UCHL5: variants seen among roughly 807,000 people sequenced by gnomAD.
UCHL5 encodes ubiquitin C-terminal hydrolase L5, also known as ubiquitin carboxyl-terminal hydrolase isozyme L5.
UCHL5 carries 34 observed loss-of-function variants against 53.8 expected under a neutral mutation model. That is an observed-to-expected ratio of 0.63 (90% CI 0.48 to 0.84). UCHL5 has a LOEUF of 0.84. Ranked by LOEUF, UCHL5 falls within the 40% of genes least tolerant of loss-of-function variation. The pLI is 0.00. For missense variants in UCHL5, 290 were observed against 385.6 expected (o/e 0.75, Z 2.08); for synonymous variants, 111 against 126.3 (o/e 0.88, Z 0.81).
intron 6 of UCHL5, among the ~76,000 whole-genome samples, 181 bp downstream of exon 6, chr1:193,028,998 G>A (rs2102448437): frequency 6.6e-6 from 1 of 152,094 alleles, no homozygotes; most frequent in Non-Finnish European, 1.5e-5. Context: ...CTGAACTATG[G>A]TAGTCAAGAT....
intron 10 of UCHL5, chr1:193,019,960 G>T (rs868514212): frequency 2.0e-6 from 2 of 983,206 alleles, no homozygotes. Flanking sequence ...CATTTGATAT[G>T]ATTAATAACA....
intron 10 of UCHL5, chr1:193,020,445 A>G (rs1407018607): frequency 1.9e-6 from 3 of 1,541,100 alleles, no homozygotes; most frequent in Admixed American, 2.0e-5. Context: ...TCCTTCCCCT[A>G]TATCAGAATA....
chr1:193,050,535 C>T (rs1221273389), intron 2 of UCHL5, among the ~76,000 whole-genome samples: 2 of 151,700 alleles, frequency 1.3e-5, no homozygotes, highest in South Asian at 4.2e-4. Context: ...GAGTTCGAGA[C>T]CAGCCTGGAC....
intron 1 of UCHL5, among the ~76,000 whole-genome samples, chr1:193,057,751 T>C (rs1671110343): frequency 6.6e-6 from 1 of 152,270 alleles, no homozygotes; most frequent in South Asian, 2.1e-4. Context: ...GTCACTTTGC[T>C]AGCTGTTGGC....
chr1:193,056,208 A>C (rs1474797012), intron 1 of UCHL5, among the ~76,000 whole-genome samples: 1 of 152,184 alleles, frequency 6.6e-6, no homozygotes, highest in African/African-American at 2.4e-5. Flanking sequence ...GTAAAATTTT[A>C]GTGATGTCAC....
intron 3 of UCHL5, among the ~76,000 whole-genome samples, chr1:193,048,640 G>A (rs1043760803): frequency 3.9e-5 from 6 of 152,158 alleles, no homozygotes; most frequent in African/African-American, 1.4e-4. Context: ...ATCTGTGTGA[G>A]ACAGAACTTT....
intron 1 of UCHL5, among the ~76,000 whole-genome samples, chr1:193,053,930 G>A (rs1417977466): frequency 6.6e-6 from 1 of 150,978 alleles, no homozygotes; most frequent in Non-Finnish European, 1.5e-5. Context: ...TGCAAAAACT[G>A]TATAGAATGT....
chr1:193,036,156 T>G (rs1663305215), intron 3 of UCHL5, among the ~76,000 whole-genome samples: 1 of 151,142 alleles, frequency 6.6e-6, no homozygotes, highest in Non-Finnish European at 1.5e-5. Flanking sequence ...TAACACTGAA[T>G]GTAAATAGGC....
chr1:193,043,167 A>AAAAAAAAAAAAAAAAAAAAAAAAAAAC (rs1666240215), intron 3 of UCHL5, among the ~76,000 whole-genome samples: 1 of 148,504 alleles, frequency 6.7e-6, no homozygotes, highest in Non-Finnish European at 1.5e-5. Context: ...AAAAAAAAAA[A>AAAAAAAAAAAAAAAAAAAAAAAAAAAC]AAAAAAAAAC....
At chr1:193,021,869 T>C (rs1260163106) in intron 9 of UCHL5, among the ~76,000 whole-genome samples, 1 of 152,180 alleles carries the variant, frequency 6.6e-6, no homozygotes, top group Non-Finnish European at 1.5e-5. Context: ...TTAACATGTT[T>C]GTTTTATAGC....
At chr1:193,040,398 T>A (rs1331404709) in intron 3 of UCHL5, among the ~76,000 whole-genome samples, 1 of 152,142 alleles carries the variant, frequency 6.6e-6, no homozygotes, top group Admixed American at 6.6e-5. Context: ...AAAAAAATAC[T>A]CAACATCATT....
intron 1 of UCHL5, among the ~76,000 whole-genome samples, chr1:193,058,182 G>T (rs1402976932): frequency 6.6e-6 from 1 of 151,498 alleles, no homozygotes. Context: ...GGCCAAGATC[G>T]CGCCACTGCA....
chr1:193,059,243 C>T lies in UCHL5; in HGVS notation c.18G>A (p.Gly6=). ...GGTCGCTTTCCATGAGGCACCACTCCCCGGCATTGCCCGTCATGGCCCTGG... is the reference window on the plus strand; with the variant it reads ...GGTCGCTTTCCATGAGGCACCACTCTCCGGCATTGCCCGTCATGGCCCTGG... The part of the protein sequence containing the change: MTGNA[G]EWCLMESDPG... Residue 6 remains glycine, a synonymous_variant, in exon 1 of 11, where the codon GGG becomes GGA. Transcript: ENST00000367454. This position sits in a 1 kb window ranked among gnomAD's most constrained non-coding sequence, Gnocchi z 4.9. 6.2e-7 allele frequency: 1 copy of T among 1,614,108 alleles called. No homozygotes were observed. Among genetic ancestry groups the T allele is most frequent in the Non-Finnish European group, 8.5e-7 (1 of 1,180,016 alleles).
intron 8 of UCHL5, among the ~76,000 whole-genome samples, chr1:193,023,369 T>C (rs1220499196): frequency 1.3e-5 from 2 of 152,190 alleles, no homozygotes; most frequent in East Asian, 3.8e-4. Flanking sequence ...ACTTTGTCTA[T>C]TAATCTCTTC....
At chr1:193,021,689 C>A (rs200111059) in intron 9 of UCHL5, among the ~76,000 whole-genome samples, 3 of 152,106 alleles carry the variant, frequency 2.0e-5, no homozygotes, top group African/African-American at 7.2e-5. Flanking sequence ...TGATTCTAGG[C>A]TTTTACTGCC....
At position 193,022,925 on chromosome 1, in the gene UCHL5, C is replaced by A; in HGVS notation, c.843+1G>T. Reference sequence around the variant, plus strand: ...AAAGGAACACATTTTTAAAAACATACCTTGTATCTTTTTAATTTCTGTACT... The same window carrying A: ...AAAGGAACACATTTTTAAAAACATAACTTGTATCTTTTTAATTTCTGTACT... On this transcript the variant is annotated splice_donor_variant, in intron 9 of 10. Coordinates refer to ENST00000367454, the MANE Select transcript of UCHL5 (RefSeq NM_001199261.3). LOFTEE classifies it high-confidence loss of function. The A allele has an allele frequency of 1.9e-6, 3 of 1,598,754 alleles. No homozygotes were observed. Among genetic ancestry groups the A allele is most frequent in the Non-Finnish European group, 2.6e-6 (3 of 1,167,356 alleles).
chr1:193,032,881 A>T (rs1031104474), intron 3 of UCHL5, among the ~76,000 whole-genome samples: 1 of 152,180 alleles, frequency 6.6e-6, no homozygotes, highest in African/African-American at 2.4e-5. Flanking sequence ...GAAACAACAG[A>T]TGCTGGAGAG....
intron 7 of UCHL5, among the ~76,000 whole-genome samples, chr1:193,026,064 G>A (rs1385010453): frequency 1.3e-5 from 2 of 148,756 alleles, no homozygotes; most frequent in Non-Finnish European, 3.0e-5. Context: ...AACCACCGGT[G>A]CCTGAGTAAT....
rs767251344 is a variant in UCHL5, at chr1:193,021,175, C to T, written c.864G>A (p.Lys288=). 6.2e-6 allele frequency: 10 copies of T among 1,606,994 alleles called. No homozygotes were observed. In the South Asian group the frequency reaches 7.7e-5, roughly 12 times the overall value. ...CCATAATGAAAGGCAGATAATTATG[C>T]TTCCTTCTGATATTCTCAATCTGAA... ...KRYKIENIRR[K]HNYLPFIMEL... Residue 288 remains lysine, a synonymous_variant, in exon 10 of 11, where the codon AAG becomes AAA. Transcript: ENST00000367454.
Sources: gnomAD v4.1 joint callset for allele counts (sites outside exome capture counted in the v4.1 genomes callset) on GRCh38, gnomAD v4.1.1 for gene constraint, Gnocchi (gnomAD v3.1) non-coding constraint, MANE v1.5 for transcripts, NCBI Gene and HGNC (gene_info 2026-07-23, HGNC 2026-07-21) for gene names.